LRRC37A2: variants seen among roughly 807,000 people sequenced by gnomAD.
The protein encoded by LRRC37A2 is leucine rich repeat containing 37 member A2.
LRRC37A2 carries 9 observed loss-of-function variants against 68.8 expected under a neutral mutation model. The ratio of observed to expected loss-of-function variants is 0.13; its 90% CI spans 0.08 to 0.23. The LOEUF is 0.23. Ranked by LOEUF, LRRC37A2 falls within the 10% of genes least tolerant of loss-of-function variation. The pLI, the probability that LRRC37A2 is intolerant of heterozygous loss-of-function variation, is 1.00. For synonymous variants in LRRC37A2, 63 were observed against 367.6 expected (o/e 0.17, Z 9.48); for missense variants, 168 against 950.4 (o/e 0.18, Z 10.82).
chr17:46,967,493 C>G, the LRRC37A2 span, among the ~76,000 whole-genome samples: 2 of 152,104 alleles, frequency 1.3e-5, no homozygotes, highest in African/African-American at 2.4e-5. Flanking sequence ...TGAGCTTGGT[C>G]TTGGAGGGTA....
At chr17:46,777,261 G>T in the LRRC37A2 span, among the ~76,000 whole-genome samples, 3 of 152,262 alleles carry the variant, frequency 2.0e-5, no homozygotes, top group African/African-American at 7.2e-5. Context: ...GGACCAACTT[G>T]TGCGAGGTCA....
At chr17:46,467,623 C>T in the LRRC37A2 span, among the ~76,000 whole-genome samples, 7 of 100,788 alleles carry the variant, frequency 6.9e-5, 2 homozygotes, top group Middle Eastern at 6.2e-3. Flanking sequence ...ATTTCCAGTT[C>T]GATATTAATT....
At chr17:47,002,422 CTCT>C in the LRRC37A2 span, among the ~76,000 whole-genome samples, 1 of 150,972 alleles carries the variant, frequency 6.6e-6, no homozygotes, top group African/African-American at 2.4e-5. Context: ...CAGCGTTTCA[CTCT>C]TCTTGCCCAG....
the LRRC37A2 span, among the ~76,000 whole-genome samples, chr17:46,502,572 G>T: frequency 6.6e-6 from 1 of 151,184 alleles, no homozygotes; most frequent in Non-Finnish European, 1.5e-5. Flanking sequence ...AAAGTGCTGG[G>T]ATTACAGGCA....
chr17:47,008,623 GT>G, the LRRC37A2 span, among the ~76,000 whole-genome samples: 47 of 145,630 alleles, frequency 3.2e-4, no homozygotes, highest in African/African-American at 5.5e-4. Flanking sequence ...TGCCTGGCTA[GT>G]TTTTTTTTTT....
chr17:46,963,024 A>C, the LRRC37A2 span, among the ~76,000 whole-genome samples: 1 of 126,930 alleles, frequency 7.9e-6, no homozygotes, highest in Non-Finnish European at 1.9e-5. Flanking sequence ...CATGGCTAAT[A>C]AAGAATAGAA....
the LRRC37A2 span, among the ~76,000 whole-genome samples, chr17:46,771,591 C>T: frequency 6.8e-6 from 1 of 147,876 alleles, no homozygotes; most frequent in African/African-American, 2.4e-5. Flanking sequence ...CCGCTCAATC[C>T]GCCTTTGTTC....
At chr17:46,717,764 C>T in the LRRC37A2 span, among the ~76,000 whole-genome samples, 16 of 152,108 alleles carry the variant, frequency 1.1e-4, no homozygotes, top group African/African-American at 2.9e-4. Flanking sequence ...GTGGCAGTGG[C>T]GGTGGCAGGG....
the LRRC37A2 span, among the ~76,000 whole-genome samples, chr17:46,881,466 A>G: frequency 4.2e-4 from 64 of 152,350 alleles, 1 homozygote; most frequent in African/African-American, 1.5e-3. Context: ...TTTTACAGAT[A>G]GGGGAATTGA....
the LRRC37A2 span, chr17:46,923,904 G>C: frequency 2.5e-6 from 1 of 398,400 alleles, no homozygotes; most frequent in Non-Finnish European, 4.4e-6. Context: ...CTATTTTTGG[G>C]GGCGGGGGGC....
chr17:46,771,371 G>A, the LRRC37A2 span, among the ~76,000 whole-genome samples: 1 of 151,822 alleles, frequency 6.6e-6, no homozygotes, highest in African/African-American at 2.4e-5. Flanking sequence ...GCGCCTCGGG[G>A]AAGAGGGGCC....
the LRRC37A2 span, chr17:46,763,072 G>A: frequency 6.6e-6 from 1 of 152,150 alleles, no homozygotes; most frequent in Non-Finnish European, 1.5e-5. Flanking sequence ...TAGAAGTGAA[G>A]GCGGGCTCCT....
the LRRC37A2 span, among the ~76,000 whole-genome samples, chr17:46,729,338 T>C: frequency 6.6e-6 from 1 of 152,184 alleles, no homozygotes; most frequent in African/African-American, 2.4e-5. Context: ...TTTATGGGGA[T>C]ATTTAAGTTT....
chr17:46,733,308 C>T, the LRRC37A2 span, among the ~76,000 whole-genome samples: 2 of 151,936 alleles, frequency 1.3e-5, no homozygotes, highest in Non-Finnish European at 2.9e-5. Context: ...CCTGCAGGAC[C>T]AGTGGCTTGA....
At chr17:46,899,138 G>A in the LRRC37A2 span, among the ~76,000 whole-genome samples, 17 of 152,134 alleles carry the variant, frequency 1.1e-4, no homozygotes, top group South Asian at 2.7e-3. Context: ...ACTCATAATC[G>A]CAGCACTATG....
At chr17:46,794,590 A>T in the LRRC37A2 span, among the ~76,000 whole-genome samples, 4 of 152,114 alleles carry the variant, frequency 2.6e-5, no homozygotes, top group Non-Finnish European at 5.9e-5. Flanking sequence ...GAGGATAAAA[A>T]TCTAAAATTC....
At chr17:46,763,791 T>C in the LRRC37A2 span, 1 of 149,068 alleles carries the variant, frequency 6.7e-6, no homozygotes, top group Non-Finnish European at 1.5e-5. Context: ...TAGAGAAGAC[T>C]TGCCCCCTTA....
chr17:47,013,731 T>C, the LRRC37A2 span, among the ~76,000 whole-genome samples: 3 of 152,258 alleles, frequency 2.0e-5, no homozygotes, highest in Admixed American at 2.0e-4. Flanking sequence ...GCTAACTTTA[T>C]TTCAGAAAGT....
chr17:46,750,294 A>T, the LRRC37A2 span, among the ~76,000 whole-genome samples: 1 of 152,254 alleles, frequency 6.6e-6, no homozygotes, highest in Non-Finnish European at 1.5e-5. Flanking sequence ...CGGAGGTTGC[A>T]GTGAGCCAAG....
Sources: allele counts gnomAD v4.1 joint callset (sites outside exome capture counted in the v4.1 genomes callset), GRCh38; gene constraint gnomAD v4.1.1; transcripts MANE v1.5; gene names NCBI Gene and HGNC (gene_info 2026-07-23, HGNC 2026-07-21).